Variants in MYO1D observed in about 807,000 individuals in gnomAD.
The protein encoded by MYO1D is myosin ID, also known as unconventional myosin-Id.
A neutral mutation model predicts 122.0 loss-of-function variants in MYO1D; 83 were observed. The observed-to-expected ratio is 0.68, with a 90% CI of 0.57 to 0.82. The LOEUF is 0.82. Among genes scored for constraint, MYO1D ranks in the 40% least tolerant of loss-of-function variants. MYO1D has a pLI of 0.00. For missense variants in MYO1D, 1,157 were observed against 1,269.5 expected (o/e 0.91, Z 1.35); for synonymous variants, 464 against 446.9 (o/e 1.04, Z -0.48).
intron 1 of MYO1D, among the ~76,000 whole-genome samples, chr17:32,857,180 C>T (rs1266886455): frequency 2.6e-5 from 4 of 152,214 alleles, no homozygotes; most frequent in African/African-American, 9.6e-5. Context: ...TAACACTGCA[C>T]CTGATGATGC....
At chr17:32,750,755 G>C (rs1368890221) in intron 11 of MYO1D, among the ~76,000 whole-genome samples, 1 of 152,140 alleles carries the variant, frequency 6.6e-6, no homozygotes, top group Admixed American at 6.6e-5. Context: ...CAGGAAATTA[G>C]AGTCAGACCT....
At chr17:32,570,584 C>T (rs2087216070) in intron 21 of MYO1D, among the ~76,000 whole-genome samples, 1 of 152,164 alleles carries the variant, frequency 6.6e-6, no homozygotes, top group Non-Finnish European at 1.5e-5. Flanking sequence ...GATCTCCTGA[C>T]CTTGTGATCT....
chr17:32,664,342 A>G (rs981496972), intron 16 of MYO1D, among the ~76,000 whole-genome samples: 1 of 152,212 alleles, frequency 6.6e-6, no homozygotes, highest in Admixed American at 6.5e-5. Flanking sequence ...TGTTTAAAGC[A>G]GCTTAAACTG....
At chr17:32,771,503 G>A (rs1461460535) in intron 5 of MYO1D, among the ~76,000 whole-genome samples, 1 of 152,130 alleles carries the variant, frequency 6.6e-6, no homozygotes, top group Non-Finnish European at 1.5e-5. Flanking sequence ...TTTGAATGCC[G>A]TCATTTGTAA....
intron 1 of MYO1D, among the ~76,000 whole-genome samples, chr17:32,832,028 T>C (rs775063686): frequency 1.3e-5 from 2 of 152,228 alleles, no homozygotes; most frequent in Non-Finnish European, 2.9e-5. Context: ...ACTAGGATTC[T>C]GCAGTGTCAT....
intron 21 of MYO1D, among the ~76,000 whole-genome samples, chr17:32,515,730 T>A (rs527337231): frequency 6.6e-6 from 1 of 152,344 alleles, no homozygotes; most frequent in African/African-American, 2.4e-5. Flanking sequence ...GAAGAATATT[T>A]GATTAAGTAG....
chr17:32,859,070 T>C (rs2091049053), intron 1 of MYO1D, among the ~76,000 whole-genome samples: 1 of 152,194 alleles, frequency 6.6e-6, no homozygotes, highest in South Asian at 2.1e-4. Flanking sequence ...GGTGTGACCA[T>C]TGCTATTATA....
chr17:32,737,591 C>T (rs1030997398), intron 14 of MYO1D, among the ~76,000 whole-genome samples: 4 of 152,162 alleles, frequency 2.6e-5, no homozygotes, highest in South Asian at 2.1e-4. Flanking sequence ...GTGATCCTCC[C>T]GCCTCAGCCT....
chr17:32,642,990 T>C (rs1209361448), intron 19 of MYO1D, among the ~76,000 whole-genome samples: 1 of 152,232 alleles, frequency 6.6e-6, no homozygotes, highest in Non-Finnish European at 1.5e-5. Flanking sequence ...AGGGCATCCC[T>C]GTCTTGTGCC....
chr17:32,799,181 G>T (rs566128554), intron 1 of MYO1D, among the ~76,000 whole-genome samples: 31 of 152,280 alleles, frequency 2.0e-4, no homozygotes, highest in African/African-American at 7.2e-4. Context: ...GCAAAGAAAA[G>T]AGTCAAAAAC....
chr17:32,704,714 T>C (rs1432776690), intron 16 of MYO1D, among the ~76,000 whole-genome samples: 1 of 152,080 alleles, frequency 6.6e-6, no homozygotes, highest in African/African-American at 2.4e-5. Flanking sequence ...ATGAGACCTG[T>C]GAGAGTGAAG....
intron 21 of MYO1D, among the ~76,000 whole-genome samples, chr17:32,551,202 C>T (rs2087012560): frequency 1.3e-5 from 2 of 152,176 alleles, no homozygotes; most frequent in East Asian, 1.9e-4. Flanking sequence ...AACTATAGGA[C>T]TCAAAGACAA....
At chr17:32,803,826 G>A (rs1019647108) in intron 1 of MYO1D, among the ~76,000 whole-genome samples, 3 of 152,186 alleles carry the variant, frequency 2.0e-5, no homozygotes, top group Non-Finnish European at 2.9e-5. Flanking sequence ...GCTTTTAAAG[G>A]AATCTTACAG....
In MYO1D at chr17:32,612,184, A is replaced by T. The variant is rs114062677; in HGVS notation, c.2710-6943T>A. Among the ~76,000 whole-genome samples, 1,341 of 152,314 alleles carry T rather than the reference A, an allele frequency of 8.8e-3. 18 individuals are homozygous for T. The highest frequency in any genetic ancestry group is 0.031 in the African/African-American group (1,273 of 41,564). ...AGGACGAGGGGTTATAGATTTAAGC[A>T]AAAAACAAAAATATACCCTGTTTAT... On this transcript the variant is annotated intron_variant, in intron 20 of 21. Coordinates refer to ENST00000318217, the MANE Select transcript of MYO1D (RefSeq NM_015194.3).
intron 21 of MYO1D, among the ~76,000 whole-genome samples, chr17:32,597,433 TTAG>T (rs2087506199): frequency 6.6e-6 from 1 of 152,126 alleles, no homozygotes; most frequent in Admixed American, 6.5e-5. Flanking sequence ...TATACATTGT[TTAG>T]TAGGAGAAAA....
At chr17:32,694,687 G>A (rs1215190339) in intron 16 of MYO1D, among the ~76,000 whole-genome samples, 14 of 111,748 alleles carry the variant, frequency 1.3e-4, no homozygotes, top group Admixed American at 2.7e-4. Context: ...CGGCCTGGGC[G>A]ACAGAGCGAG....
At chr17:32,549,491 G>A (rs2086992430) in intron 21 of MYO1D, among the ~76,000 whole-genome samples, 1 of 152,154 alleles carries the variant, frequency 6.6e-6, no homozygotes, top group Non-Finnish European at 1.5e-5. Context: ...TCATAGGAGG[G>A]GCATAGCACT....
chr17:32,589,216 G>C (rs1422371148), intron 21 of MYO1D, among the ~76,000 whole-genome samples: 1 of 152,198 alleles, frequency 6.6e-6, no homozygotes, highest in East Asian at 1.9e-4. Context: ...CCTGGGGCTT[G>C]GATGTTTCAG....
intron 20 of MYO1D, among the ~76,000 whole-genome samples, chr17:32,607,204 A>ATGTGTTT (rs2087639593): frequency 3.9e-5 from 6 of 152,092 alleles, no homozygotes; most frequent in Non-Finnish European, 8.8e-5. Flanking sequence ...AAAGGAAGAA[A>ATGTGTTT]CACATGTCTC....
Sources: allele counts gnomAD v4.1 joint callset (sites outside exome capture counted in the v4.1 genomes callset), GRCh38; gene constraint gnomAD v4.1.1; transcripts MANE v1.5; gene names NCBI Gene and HGNC (gene_info 2026-07-23, HGNC 2026-07-21).